Variants in CCDC77 observed in about 807,000 individuals in gnomAD.
The protein encoded by CCDC77 is coiled-coil domain-containing protein 77.
Under a neutral mutation model 66.8 loss-of-function variants are expected in CCDC77, and 56 were observed. The ratio of observed to expected loss-of-function variants is 0.84; its 90% CI spans 0.68 to 1.05. The LOEUF is 1.05. CCDC77 is among the 50% of genes least tolerant of loss of function. The probability of loss-of-function intolerance (pLI) is 0.00; values close to 1 mark genes in which losing one functional copy is unlikely to be tolerated. For missense variants in CCDC77, 570 were observed against 576.8 expected (o/e 0.99, Z 0.12); for synonymous variants, 196 against 195.2 (o/e 1.00, Z -0.03).
chr12:422,979 A>T (rs972564739), intron 5 of CCDC77, among the ~76,000 whole-genome samples: 2 of 151,400 alleles, frequency 1.3e-5, no homozygotes, highest in African/African-American at 2.4e-5. Context: ...TTCTGTTTTT[A>T]TTTTTTTGAG....
rs1448071739 is a variant in CCDC77 at position 415,361 on chromosome 12, A to G, written c.271-3133A>G. On this transcript the variant is annotated intron_variant, in intron 4 of 12. Transcript: ENST00000239830. ...ATGTTAATATAATCAACATAATATT[A>G]TGTTAATATAATCAACATAATATTA... Among the ~76,000 whole-genome samples the G allele has an allele frequency of 2.1e-4, 27 of 130,016 alleles. 1 individual carries two copies. Among genetic ancestry groups the G allele is most frequent in the Admixed American group, 1.9e-3 (25 of 12,864 alleles). 85.3% of individuals were successfully genotyped at this position (130,016 alleles called of 152,430 possible).
chr12:427,996 G>A (rs1036704155), intron 5 of CCDC77, among the ~76,000 whole-genome samples: 1 of 152,132 alleles, frequency 6.6e-6, no homozygotes, highest in Admixed American at 6.6e-5. Flanking sequence ...ACTGAGCAAG[G>A]GGATTGGATT....
intron 10 of CCDC77, 123 bp from the exon 11 acceptor site, chr12:440,494 T>A: frequency 9.2e-7 from 1 of 1,087,328 alleles, no homozygotes; most frequent in Non-Finnish European, 1.3e-6. Flanking sequence ...TGTCATCTGG[T>A]TCCTTAACTC....
At chr12:419,162 C>T (rs547921315) in intron 5 of CCDC77, among the ~76,000 whole-genome samples, 6 of 152,288 alleles carry the variant, frequency 3.9e-5, no homozygotes, top group East Asian at 3.9e-4. Flanking sequence ...AGAATATGAA[C>T]GGATACTGTG....
chr12:436,256 T>C (rs1485265714), intron 9 of CCDC77, among the ~76,000 whole-genome samples: 2 of 151,898 alleles, frequency 1.3e-5, no homozygotes, highest in East Asian at 3.9e-4. Flanking sequence ...TAGCTGGGAC[T>C]ACAGGCGCCC....
intron 1 of CCDC77, among the ~76,000 whole-genome samples, chr12:392,907 T>C (rs1944775977): frequency 6.6e-6 from 1 of 152,082 alleles, no homozygotes; most frequent in East Asian, 1.9e-4. Context: ...AATAACTATA[T>C]TTTCCAAAAC....
chr12:418,880 G>A (rs1029169187), intron 5 of CCDC77: 2 of 409,606 alleles, frequency 4.9e-6, no homozygotes, highest in Admixed American at 4.1e-5. Flanking sequence ...TGTATTTTTA[G>A]TGGAGATGGG....
rs1388171161 is a variant in CCDC77 at position 394,591 on chromosome 12, C to T, written c.-113+5105C>T. ...TCTTGTTTAGGCCCTTTCTCTCATA[C>T]GAATTTCCACTGTGGCATTCCAATG... On this transcript the variant is annotated intron_variant, in intron 1 of 11. Coordinates refer to the CCDC77 transcript ENST00000422000. Among the ~76,000 whole-genome samples, 3 of 152,220 alleles carry T rather than the reference C, an allele frequency of 2.0e-5. No homozygotes were observed. In the East Asian group the frequency reaches 5.8e-4, roughly 29 times the overall value.
chr12:426,980 T>C (rs1945544320), intron 5 of CCDC77, among the ~76,000 whole-genome samples: 2 of 152,136 alleles, frequency 1.3e-5, no homozygotes, highest in Admixed American at 6.6e-5. Flanking sequence ...AAAACTGACT[T>C]GGGGCTGGTA....
At chr12:416,622 C>T (rs977010038) in intron 4 of CCDC77, among the ~76,000 whole-genome samples, 1 of 147,626 alleles carries the variant, frequency 6.8e-6, no homozygotes, top group Non-Finnish European at 1.5e-5. Flanking sequence ...CCATGTTGGT[C>T]AGGCTGGTCT....
In CCDC77 at chr12:418,648, G is replaced by C. The variant is rs1457091545; in HGVS notation, c.413+12G>C. The C allele has an allele frequency of 1.2e-6, 2 of 1,608,418 alleles. No individual in the cohort carries two copies. The highest frequency in any genetic ancestry group is 3.4e-5 in the Admixed American group (2 of 58,538). On this transcript the variant is annotated intron_variant, in intron 5 of 12. Transcript: ENST00000239830. ...CGACTGAGAATCAGGTACCAAATAG[G>C]AGAAGGGAAATGTTGGAGTTTAACT...
chr12:419,307 A>C (rs1372579675), intron 5 of CCDC77, among the ~76,000 whole-genome samples: 1 of 152,208 alleles, frequency 6.6e-6, no homozygotes, highest in Non-Finnish European at 1.5e-5. Context: ...AGGGTATGTA[A>C]ACTTGGGAGA....
chr12:429,625 A>T (rs2137600852), intron 6 of CCDC77, among the ~76,000 whole-genome samples: 1 of 151,960 alleles, frequency 6.6e-6, no homozygotes, highest in African/African-American at 2.4e-5. Context: ...CGCCCAGCTA[A>T]TTTTTGTATT....
intron 10 of CCDC77, 26 bp downstream of exon 10, chr12:438,580 T>A (rs753450322): frequency 6.5e-7 from 1 of 1,542,056 alleles, no homozygotes; most frequent in Non-Finnish European, 8.9e-7. Context: ...CGTAACGAAG[T>A]TGTTTATTTT....
Position 418,546 on chromosome 12 carries a change from A to T in CCDC77, c.323A>T (p.Gln108Leu), listed in dbSNP as rs1236663879. The T allele has an allele frequency of 1.2e-6, 2 of 1,614,116 alleles. No homozygotes were observed. The highest frequency in any genetic ancestry group is 1.7e-6 in the Non-Finnish European group (2 of 1,179,934). Residue 108 changes from glutamine (Q) to leucine (L), a missense_variant, in exon 5 of 13, where the codon CAG becomes CTG. By Grantham distance (113) the Gln-to-Leu change is moderately radical. Coordinates refer to ENST00000239830, the MANE Select transcript of CCDC77 (RefSeq NM_032358.4). ...AGGGAGGAAGAGATTGCTGAATTGCAGAAAGCTCTAAGTGATATGCAGGTC... is the reference window on the plus strand; with the variant it reads ...AGGGAGGAAGAGATTGCTGAATTGCTGAAAGCTCTAAGTGATATGCAGGTC... ...QQREEEIAEL[Q>L]KALSDMQVCL...
chr12:390,120 C>CAAAAAAAAAAAAAAAAAAAAAA, intron 1 of CCDC77: 1 of 73,416 alleles, frequency 1.4e-5, no homozygotes, highest in African/African-American at 5.1e-5. Context: ...GTTGCCTGAG[C>CAAAAAAAAAAAAAAAAAAAAAA]AAAAAAAAAA....
upstream of CCDC77, among the ~76,000 whole-genome samples, chr12:398,503 G>A (rs1322883771): frequency 4.7e-5 from 7 of 149,048 alleles, no homozygotes; most frequent in African/African-American, 1.5e-4. Context: ...GCAGTGGCGC[G>A]ATCTGGGCTC....
At position 437,845 on chromosome 12, in the gene CCDC77, TAA is replaced by T. The variant is rs3043231; in HGVS notation, c.822-471_822-470del. The stretch of plus-strand genomic sequence containing the variant: ...TACGTGACAGAGCAAGACCCTGTCT[TAA>T]AAAAAAAAAAAAAAAAAAGTTCTTT... On this transcript the variant is annotated intron_variant, in intron 9 of 12. Transcript: ENST00000239830. Among the ~76,000 whole-genome samples, 44 of 124,490 alleles carry T rather than the reference TAA, an allele frequency of 3.5e-4. 1 individual carries two copies. The highest frequency in any genetic ancestry group is 3.0e-3 in the Admixed American group (35 of 11,530). The allele number at this position is 124,490 out of a possible 152,430, so 81.7% of individuals were successfully genotyped here.
intron 1 of CCDC77, among the ~76,000 whole-genome samples, chr12:404,418 T>C (rs1222604617): frequency 6.6e-6 from 1 of 152,152 alleles, no homozygotes; most frequent in Non-Finnish European, 1.5e-5. Flanking sequence ...AAAAGAGCAA[T>C]TGAATTTATT....
Sources: allele counts gnomAD v4.1 joint callset (sites outside exome capture counted in the v4.1 genomes callset), GRCh38; gene constraint gnomAD v4.1.1; transcripts MANE v1.5; gene names NCBI Gene and HGNC (gene_info 2026-07-23, HGNC 2026-07-21).